The following SPTA1 variants were observed in gnomAD, a reference collection of about 807,000 sequenced individuals.
SPTA1 encodes the protein spectrin alpha, erythrocytic 1.
A neutral mutation model predicts 324.7 loss-of-function variants in SPTA1; 177 were observed. The observed-to-expected ratio is 0.55, with a 90% CI of 0.48 to 0.62. The LOEUF is 0.62. Among genes scored for constraint, SPTA1 ranks in the 20% least tolerant of loss-of-function variants. The pLI is 0.00. For synonymous variants in SPTA1, 1,195 were observed against 1,041.3 expected (o/e 1.15, Z -2.84); for missense variants, 3,162 against 2,883.6 (o/e 1.10, Z -2.21).
At chr1:158,644,937 C>T (rs1416531866) in intron 29 of SPTA1, among the ~76,000 whole-genome samples, 2 of 152,186 alleles carry the variant, frequency 1.3e-5, no homozygotes, top group African/African-American at 2.4e-5. Flanking sequence ...AGTCAATCAA[C>T]AAATGATAGT....
intron 6 of SPTA1, 108 bp from the exon 7 acceptor site, chr1:158,677,942 T>G: frequency 7.3e-7 from 1 of 1,371,630 alleles, no homozygotes; most frequent in Non-Finnish European, 1.0e-6. Flanking sequence ...CAGGAGCAAT[T>G]ATCCTTTCTT....
At chr1:158,615,001 G>A in intron 48 of SPTA1, 2 of 561,232 alleles carry the variant, frequency 3.6e-6, no homozygotes, top group Non-Finnish European at 6.3e-6. Flanking sequence ...AGTGGGTGAT[G>A]AGTAGGCTCA....
Position 158,642,942 on chromosome 1 carries a change from G to A in SPTA1, c.4477C>T (p.Arg1493Trp), listed in dbSNP as rs35237700. The A allele has an allele frequency of 6.3e-4, 1,018 of 1,613,630 alleles. 5 individuals are homozygous for A. In the African/African-American group the frequency reaches 0.011, roughly 18 times the overall value. ...TTGGCATAGTCTCCAAGCTTTGTCC[G>A]CTCATCAATCAGTTGTGCTTTGAGA... ...KALKAQLIDERTKLGDYANLK... is the reference protein window; with the variant it reads ...KALKAQLIDEWTKLGDYANLK... Residue 1493 changes from arginine to tryptophan, a missense_variant, in exon 32 of 52, where the codon CGG becomes TGG. Physicochemically the swap from Arg to Trp is moderately radical, Grantham distance 101. Transcript: ENST00000643759.
At chr1:158,634,699 G>T (rs773877784) in intron 38 of SPTA1, 24 bp from the exon 39 acceptor site, 3 of 1,613,690 alleles carry the variant, frequency 1.9e-6, no homozygotes, top group Non-Finnish European at 2.5e-6. Flanking sequence ...GCAAGCCCCA[G>T]TGAGGATAAG....
At position 158,669,554 on chromosome 1, in the gene SPTA1, G is replaced by A. The variant is rs369087649; in HGVS notation, c.1687C>T (p.Arg563Trp). 114 of 1,613,918 alleles carry A rather than the reference G, an allele frequency of 7.1e-5. No individual in the cohort carries two copies. The African/African-American group carries it at 1.1e-3, about 16-fold the overall frequency. The part of the protein sequence containing the change: ...IKAIRDGLLA[R>W]RDALREKAAT... Reference sequence around the variant, plus strand: ...GCCTTTTCACGTAGGGCATCCCGCCGGGCTAACAGCTGCAAAAACCATGAG... The same window carrying A: ...GCCTTTTCACGTAGGGCATCCCGCCAGGCTAACAGCTGCAAAAACCATGAG... The change falls in exon 14 of 52, where the codon CGG becomes TGG. Residue 563 changes from arginine (R) to tryptophan (W), a missense_variant. Coordinates refer to ENST00000643759, the MANE Select transcript of SPTA1 (RefSeq NM_003126.4).
chr1:158,669,441 C>A lies in SPTA1; in HGVS notation c.1800G>T (p.Lys600Asn), dbSNP rs951800968. 1 of 1,614,020 alleles carries A rather than the reference C, an allele frequency of 6.2e-7. No individual in the cohort carries two copies. The highest frequency in any genetic ancestry group is 8.5e-7 in the Non-Finnish European group (1 of 1,180,004). The change falls in exon 14 of 52, where the codon AAG becomes AAT. Residue 600 changes from lysine (K) to asparagine (N), a missense_variant. Coordinates refer to ENST00000643759, the MANE Select transcript of SPTA1 (RefSeq NM_003126.4). ...DSDDLKNWIN[K>N]KKKLADDEDY... ...CTTCATCATCTGCCAACTTTTTCTT[C>A]TTGTTGATCCAGTTCTTTAGGTCAT... is the stretch of plus-strand genomic sequence containing the variant.
chr1:158,636,275 T>A (rs1033399710), intron 37 of SPTA1, among the ~76,000 whole-genome samples: 6 of 152,204 alleles, frequency 3.9e-5, no homozygotes, highest in Non-Finnish European at 8.8e-5. Flanking sequence ...CTCCCTAATC[T>A]GCTTTTTCGT....
In SPTA1 at chr1:158,623,054, A is replaced by G. The variant is rs377008650; in HGVS notation, c.6049T>C (p.Trp2017Arg). Residue 2017 changes from tryptophan to arginine, a missense_variant, in exon 43 of 52, where the codon TGG (tryptophan) becomes CGG (arginine). By Grantham distance (101) the Trp-to-Arg change is moderately radical. Transcript: ENST00000643759. Reference sequence around the variant, plus strand: ...GCCGAGGCTTCCAGCAACTGTTCCCAGCGCTTCAGCAGAGCGGCATAACGC... The same window carrying G: ...GCCGAGGCTTCCAGCAACTGTTCCCGGCGCTTCAGCAGAGCGGCATAACGC... Reference protein sequence around the residue: ...EERYAALLKRWEQLLEASAVH... With the variant: ...EERYAALLKRREQLLEASAVH... 1.1e-5 allele frequency: 17 copies of G among 1,614,030 alleles called. No individual in the cohort carries two copies. Among genetic ancestry groups the G allele is most frequent in the African/African-American group, 5.3e-5 (4 of 74,914 alleles).
intron 6 of SPTA1, 58 bp from the exon 7 acceptor site, chr1:158,677,892 G>T (rs1328586504): frequency 1.9e-6 from 3 of 1,608,018 alleles, no homozygotes; most frequent in African/African-American, 1.3e-5. Flanking sequence ...CAGGGCAAAC[G>T]GTCCAACAGA....
At position 158,653,276 on chromosome 1, in the gene SPTA1, G is replaced by GT. The variant is rs1284442197; in HGVS notation, c.3185dup (p.Asn1062LysfsTer22). Reference sequence around the variant, plus strand: ...GTTCTCCAGGCTCCAGAACTTACTGGTTCTCAATCTGCTCCTGGCGCTGGG... The same window carrying GT: ...GTTCTCCAGGCTCCAGAACTTACTGGTTTCTCAATCTGCTCCTGGCGCTGGG... On this transcript the variant is annotated frameshift_variant, in exon 22 of 52. Coordinates refer to ENST00000643759, the MANE Select transcript of SPTA1 (RefSeq NM_003126.4). LOFTEE classifies it high-confidence loss of function. 1 of 1,614,080 alleles carries GT rather than the reference G, an allele frequency of 6.2e-7. No individual in the cohort carries two copies.
At chr1:158,685,480 A>G (rs769455736) in intron 1 of SPTA1, 133 bp from the exon 2 acceptor site, 390 of 1,262,084 alleles carry the variant, frequency 3.1e-4, no homozygotes, top group Non-Finnish European at 4.1e-4. Context: ...GACTATTGTC[A>G]GAAGAGCTGT....
chr1:158,627,019 G>A lies in SPTA1; in HGVS notation c.5665-12C>T, dbSNP rs1199891038. The stretch of plus-strand genomic sequence containing the variant: ...TCCTCCTGCAACACCTGTGAGAAGG[G>A]GAGAGACAAATATATTTATAATGTG... On this transcript the variant is annotated splice_polypyrimidine_tract_variant and intron_variant, in intron 40 of 51. Coordinates refer to ENST00000643759, the MANE Select transcript of SPTA1 (RefSeq NM_003126.4). 6.2e-7 allele frequency: 1 copy of A among 1,613,414 alleles called. No homozygotes were observed. The highest frequency in any genetic ancestry group is 8.5e-7 in the Non-Finnish European group (1 of 1,179,598).
rs544773954 is a variant in SPTA1 at position 158,668,162 on chromosome 1, C to T, written c.1834-100G>A. The T allele has an allele frequency of 5.1e-5, 66 of 1,295,708 alleles. 2 individuals carry two copies. Among genetic ancestry groups the T allele is most frequent in the South Asian group, 3.3e-4 (26 of 79,556 alleles). The allele number at this position is 1,295,708 out of a possible 1,614,324, so 80.3% of individuals were successfully genotyped here. A position where few individuals can be genotyped will look rare whatever the true frequency, so the allele number is the denominator to read the frequency against. Reference sequence around the variant, plus strand: ...TACTTCTCACTATAAATCTAACGAACGATGCTAACAAGAAGATAAAAGGGG... The same window carrying T: ...TACTTCTCACTATAAATCTAACGAATGATGCTAACAAGAAGATAAAAGGGG... On this transcript the variant is annotated intron_variant, in intron 14 of 51. Transcript: ENST00000643759.
intron 43 of SPTA1, 110 bp from the exon 44 acceptor site, chr1:158,620,576 A>G: frequency 7.2e-7 from 1 of 1,380,580 alleles, no homozygotes. Context: ...CAGGGCCACC[A>G]ATCTAAAAGG....
Position 158,671,949 on chromosome 1 carries a change from G to A in SPTA1, c.1488+110C>T, listed in dbSNP as rs962406702. The A allele has an allele frequency of 2.8e-6, 4 of 1,407,938 alleles. No homozygotes were observed. The African/African-American group carries it at 4.2e-5, about 15-fold the overall frequency. 87.2% of individuals were successfully genotyped at this position (1,407,938 alleles called of 1,614,324 possible). A position where few individuals can be genotyped will look rare whatever the true frequency, so the allele number is the denominator to read the frequency against. ...TTGTGGATCACCCTTTAGTTCCCAA[G>A]ACAAGCTCTGACTCACAGGAGTGGT... is the stretch of plus-strand genomic sequence containing the variant. On this transcript the variant is annotated intron_variant, in intron 11 of 51. Coordinates refer to ENST00000643759, the MANE Select transcript of SPTA1 (RefSeq NM_003126.4).
At position 158,668,071 on chromosome 1, in the gene SPTA1, AGAT is replaced by A. The variant is rs886045390; in HGVS notation, c.1834-12_1834-10del. ...TTCAAGTTCTGTATGTCCTGAGATAAGATGAAAAAAAAAAAAAAAACCATTACC... is the reference window on the plus strand; with the variant it reads ...TTCAAGTTCTGTATGTCCTGAGATAAGAAAAAAAAAAAAAAAACCATTACC... On this transcript the variant is annotated splice_polypyrimidine_tract_variant and intron_variant, in intron 14 of 51. Coordinates refer to ENST00000643759, the MANE Select transcript of SPTA1 (RefSeq NM_003126.4). 1.3e-6 allele frequency: 2 copies of A among 1,541,582 alleles called. No individual in the cohort carries two copies. Among genetic ancestry groups the A allele is most frequent in the African/African-American group, 2.1e-5 (1 of 47,726 alleles).
At position 158,639,979 on chromosome 1, in the gene SPTA1, C is replaced by T. The variant is rs1385051255; in HGVS notation, c.4766G>A (p.Trp1589Ter). ...ATTTGTTCTCTCAAGCAGATGATCC[C>T]AATGTTCCTTCAGCTGTTCCAGTTG... ...KEQLEQLKEH[W>*]DHLLERTNDK... is the part of the protein sequence containing the mutation. Residue 1589 changes from tryptophan to a stop codon, truncating the protein, a stop_gained, in exon 34 of 52, where the codon TGG becomes TAG. Coordinates refer to ENST00000643759, the MANE Select transcript of SPTA1 (RefSeq NM_003126.4). LOFTEE classifies it high-confidence loss of function. The T allele has an allele frequency of 1.2e-6, 2 of 1,613,684 alleles. No homozygotes were observed. The highest frequency in any genetic ancestry group is 2.7e-5 in the African/African-American group (2 of 74,846).
At position 158,669,629 on chromosome 1, in the gene SPTA1, C is replaced by T. The variant is rs532563484; in HGVS notation, c.1678-66G>A. ...ATATGGACATGTGAGATTCGCTGAC[C>T]ACCCTGGTCACCATGCCCACCAAAA... On this transcript the variant is annotated intron_variant, in intron 13 of 51. Coordinates refer to ENST00000643759, the MANE Select transcript of SPTA1 (RefSeq NM_003126.4). 976 of 1,613,876 alleles carry T rather than the reference C, an allele frequency of 6.0e-4. 2 individuals carry two copies. Among genetic ancestry groups the T allele is most frequent in the Non-Finnish European group, 7.6e-4 (891 of 1,179,822 alleles).
At chr1:158,669,684 A>G (rs1451048599) in intron 13 of SPTA1, 25 bp downstream of exon 13, 5 of 1,613,992 alleles carry the variant, frequency 3.1e-6, no homozygotes, top group East Asian at 4.5e-5. Flanking sequence ...GTAGGCACAC[A>G]GAAGCTCTAG....
Sources: gnomAD v4.1 joint callset for allele counts (sites outside exome capture counted in the v4.1 genomes callset) on GRCh38, gnomAD v4.1.1 for gene constraint, MANE v1.5 for transcripts, NCBI Gene and HGNC (gene_info 2026-07-23, HGNC 2026-07-21) for gene names.